Variants in ADGRV1 observed in about 807,000 individuals in gnomAD.
The protein encoded by ADGRV1 is adhesion G protein-coupled receptor V1, also known as G-protein coupled receptor 98.
Under a neutral mutation model 596.2 loss-of-function variants are expected in ADGRV1, and 359 were observed. The observed-to-expected ratio is 0.60, with a 90% CI of 0.55 to 0.66. ADGRV1 has a LOEUF of 0.66. Ranked by LOEUF, ADGRV1 falls within the 30% of genes least tolerant of loss-of-function variation. ADGRV1 has a pLI of 0.00. For synonymous variants in ADGRV1, 2,681 were observed against 2,679.2 expected (o/e 1.00, Z -0.02); for missense variants, 7,274 against 7,575.6 (o/e 0.96, Z 1.48).
chr5:90,568,457 C>T (rs547048120), intron 1 of ADGRV1, among the ~76,000 whole-genome samples: 1 of 152,054 alleles, frequency 6.6e-6, no homozygotes, highest in African/African-American at 2.4e-5. Flanking sequence ...TAATCTCATT[C>T]TCTTATGGTT....
intron 70 of ADGRV1, among the ~76,000 whole-genome samples, chr5:90,794,981 C>T (rs954065579): frequency 1.3e-5 from 2 of 152,030 alleles, no homozygotes; most frequent in East Asian, 1.9e-4. Context: ...GTCATCACAA[C>T]CTACACAGAC....
At chr5:90,692,833 G>A in intron 32 of ADGRV1, 47 bp downstream of exon 32, 1 of 1,437,112 alleles carries the variant, frequency 7.0e-7, no homozygotes, top group Non-Finnish European at 9.4e-7. Flanking sequence ...GAGAATTGTG[G>A]GGTGGTGGGG....
At chr5:91,043,636 A>T (rs1017945309) in intron 85 of ADGRV1, among the ~76,000 whole-genome samples, 1 of 152,162 alleles carries the variant, frequency 6.6e-6, no homozygotes, top group African/African-American at 2.4e-5. Context: ...ATTACCTCTT[A>T]GGATTATTGT....
At chr5:90,866,120 G>T (rs544898222) in intron 83 of ADGRV1, among the ~76,000 whole-genome samples, 1 of 152,166 alleles carries the variant, frequency 6.6e-6, no homozygotes, top group East Asian at 1.9e-4. Context: ...CTTTATTAAT[G>T]AACTAGGACT....
At chr5:91,150,499 T>C (rs1229354093) in intron 88 of ADGRV1, among the ~76,000 whole-genome samples, 1 of 152,240 alleles carries the variant, frequency 6.6e-6, no homozygotes, top group African/African-American at 2.4e-5. Flanking sequence ...GCAGTTTGTG[T>C]TGGGAAATCA....
At chr5:90,944,797 T>C (rs1049071885) in intron 83 of ADGRV1, among the ~76,000 whole-genome samples, 2 of 152,198 alleles carry the variant, frequency 1.3e-5, no homozygotes, top group African/African-American at 4.8e-5. Flanking sequence ...CTTTTCACAG[T>C]ACAGTGTTGC....
At position 90,653,811 on chromosome 5, in the gene ADGRV1, A is replaced by G; in HGVS notation, c.4237A>G (p.Thr1413Ala). 6.2e-7 allele frequency: 1 copy of G among 1,613,516 alleles called. No homozygotes were observed. The highest frequency in any genetic ancestry group is 2.2e-5 in the East Asian group (1 of 44,878). ...LGSNATYIAKTTVMKYLEESV... is the reference protein window; with the variant it reads ...LGSNATYIAKATVMKYLEESV... The stretch of plus-strand genomic sequence containing the variant: ...TTCCAATGCTACATACATTGCCAAG[A>G]CAACAGTCATGAAATATTTAGAAGA... Residue 1413 changes from threonine to alanine, a missense_variant, in exon 20 of 90, where the codon ACA becomes GCA. Transcript: ENST00000405460.
chr5:90,851,664 C>T (rs1399417259), intron 79 of ADGRV1, among the ~76,000 whole-genome samples: 4 of 152,042 alleles, frequency 2.6e-5, no homozygotes, highest in African/African-American at 4.8e-5. Flanking sequence ...TGGGAGTTTT[C>T]CCCCTCATAT....
intron 83 of ADGRV1, among the ~76,000 whole-genome samples, chr5:90,865,310 G>T (rs190654857): frequency 6.6e-6 from 1 of 152,076 alleles, no homozygotes. Context: ...CATAATTAGA[G>T]TTTACTTGGC....
At chr5:90,887,380 C>T (rs577507066) in intron 83 of ADGRV1, among the ~76,000 whole-genome samples, 6 of 152,260 alleles carry the variant, frequency 3.9e-5, no homozygotes, top group Non-Finnish European at 7.4e-5. Flanking sequence ...ATCCTCCCAT[C>T]TCTCCAACAG....
chr5:90,922,575 G>A (rs1226182709), intron 83 of ADGRV1, among the ~76,000 whole-genome samples: 1 of 151,924 alleles, frequency 6.6e-6, no homozygotes, highest in Non-Finnish European at 1.5e-5. Flanking sequence ...CCTCTACAGT[G>A]GTCACCTCCT....
chr5:91,125,811 G>A (rs1793699590), intron 87 of ADGRV1, among the ~76,000 whole-genome samples: 1 of 152,142 alleles, frequency 6.6e-6, no homozygotes, highest in African/African-American at 2.4e-5. Context: ...CTATTTTGAG[G>A]TATATCAGAT....
chr5:90,710,876 A>T, intron 39 of ADGRV1, 105 bp from the exon 40 acceptor site: 1 of 683,564 alleles, frequency 1.5e-6, no homozygotes, highest in African/African-American at 1.8e-5. Flanking sequence ...TAATACCTGT[A>T]CATTATGAAT....
chr5:90,958,298 A>G (rs1388769957), intron 83 of ADGRV1, among the ~76,000 whole-genome samples: 9 of 149,540 alleles, frequency 6.0e-5, no homozygotes, highest in Non-Finnish European at 1.0e-4. Flanking sequence ...AAAAAAAAAA[A>G]AAAAAGAAAA....
At position 90,767,847 on chromosome 5, in the gene ADGRV1, T is replaced by A. The variant is rs750699788; in HGVS notation, c.12285+4378T>A. ...ACATGTTCTGCCATCATTCTTGAGG[T>A]GTGATTACCCTAATGGTATTAAATC... On this transcript the variant is annotated intron_variant, in intron 59 of 89. Transcript: ENST00000405460. Among the ~76,000 whole-genome samples, 21 of 152,200 alleles carry A rather than the reference T, an allele frequency of 1.4e-4. 1 individual carries two copies. The highest frequency in any genetic ancestry group is 2.5e-4 in the Non-Finnish European group (17 of 68,046).
intron 33 of ADGRV1, 81 bp from the exon 34 acceptor site, chr5:90,696,856 A>G: frequency 1.0e-6 from 1 of 952,576 alleles, no homozygotes; most frequent in East Asian, 2.6e-5. Flanking sequence ...TTTTAAACAT[A>G]GAAATTATTT....
At chr5:90,698,993 T>C (rs116533328) in intron 34 of ADGRV1, among the ~76,000 whole-genome samples, 2,608 of 152,064 alleles carry the variant, frequency 0.017, 26 homozygotes, top group Middle Eastern at 0.037. Context: ...TAAAGGAGTA[T>C]TGGGGATAGG....
chr5:90,976,316 G>GTA (rs1434888267), intron 84 of ADGRV1, among the ~76,000 whole-genome samples: 1 of 121,476 alleles, frequency 8.2e-6, no homozygotes, highest in Non-Finnish European at 1.7e-5. Flanking sequence ...GTGTGTGTGT[G>GTA]TGTGTGTATA....
intron 68 of ADGRV1, among the ~76,000 whole-genome samples, chr5:90,788,863 GACACAC>G (rs70973708): frequency 7.8e-4 from 114 of 147,020 alleles, no homozygotes; most frequent in African/African-American, 1.9e-3. Context: ...CACAGACACA[GACACAC>G]ACACACACAC....
Sources: allele counts gnomAD v4.1 joint callset (sites outside exome capture counted in the v4.1 genomes callset), GRCh38; gene constraint gnomAD v4.1.1; transcripts MANE v1.5; gene names NCBI Gene and HGNC (gene_info 2026-07-23, HGNC 2026-07-21).